The following HAPLN3 variants were observed in gnomAD, a reference collection of about 807,000 sequenced individuals.
The protein encoded by HAPLN3 is hyaluronan and proteoglycan link protein 3.
In HAPLN3, 28 loss-of-function variants were observed where a neutral mutation model predicts 28.1. That is an observed-to-expected ratio of 1.00 (90% CI 0.74 to 1.37). The LOEUF (loss-of-function observed/expected upper bound fraction) is 1.37. Among genes scored for constraint, HAPLN3 ranks in the 40% most tolerant of loss-of-function variants. The probability of loss-of-function intolerance (pLI) is 0.00; values close to 1 mark genes in which losing one functional copy is unlikely to be tolerated. For missense variants in HAPLN3, 513 were observed against 504.6 expected (o/e 1.02, Z -0.16); for synonymous variants, 211 against 213.1 (o/e 0.99, Z 0.09).
At chr15:88,890,775 C>T (rs563112285) in intron 1 of HAPLN3, among the ~76,000 whole-genome samples, 1 of 152,338 alleles carries the variant, frequency 6.6e-6, no homozygotes, top group African/African-American at 2.4e-5. Context: ...AGATGGAAAC[C>T]ACAGATTGAA....
intron 1 of HAPLN3, among the ~76,000 whole-genome samples, chr15:88,891,793 T>A (rs1462969720): frequency 1.3e-5 from 2 of 152,210 alleles, no homozygotes; most frequent in African/African-American, 4.8e-5. Context: ...GGTGATTGTG[T>A]GGCACACACA....
At position 88,879,248 on chromosome 15, in the gene HAPLN3, G is replaced by T. The variant is rs1414313870; in HGVS notation, c.515C>A (p.Ser172Tyr). 3 of 1,607,730 alleles carry T rather than the reference G, an allele frequency of 1.9e-6. No individual in the cohort carries two copies. Among genetic ancestry groups the T allele is most frequent in the Non-Finnish European group, 2.5e-6 (3 of 1,176,614 alleles). Residue 172 changes from serine to tyrosine, a missense_variant, in exon 4 of 5, where the codon TCC becomes TAC. Coordinates refer to ENST00000359595, the MANE Select transcript of HAPLN3 (RefSeq NM_178232.4). The surrounding 1 kb of genome is among the most constrained non-coding windows in gnomAD (Gnocchi z 5.0). ...GTTGAACTGGTAGCGCCCGTTGGGG[G>T]ACTGGTAAGGAAAGACCACACCTGC... ...ELRGVVFPYQSPNGRYQFNFH... is the reference protein window; with the variant it reads ...ELRGVVFPYQYPNGRYQFNFH...
chr15:88,889,003 T>G (rs1003168877), intron 1 of HAPLN3, among the ~76,000 whole-genome samples: 10 of 152,186 alleles, frequency 6.6e-5, no homozygotes, highest in Non-Finnish European at 7.4e-5. Context: ...CCTTCTGGCT[T>G]CCAGTGGGAT....
At chr15:88,894,354 G>A (rs1036168408) in intron 1 of HAPLN3, among the ~76,000 whole-genome samples, 1 of 151,952 alleles carries the variant, frequency 6.6e-6, no homozygotes. Context: ...AGAACAATAA[G>A]CCTGGGCTTG....
intron 1 of HAPLN3, among the ~76,000 whole-genome samples, chr15:88,894,685 G>C (rs1160919721): frequency 6.6e-6 from 1 of 152,198 alleles, no homozygotes; most frequent in Non-Finnish European, 1.5e-5. Flanking sequence ...GCGGGTCAGC[G>C]CTGGACACCA....
chr15:88,879,510 T>TAATGTCCCCAAC lies in HAPLN3; in HGVS notation c.494-253_494-242dup, dbSNP rs1474580256. 216 of 1,504,366 alleles carry TAATGTCCCCAAC rather than the reference T, an allele frequency of 1.4e-4. No homozygotes were observed. The highest frequency in any genetic ancestry group is 1.8e-4 in the Admixed American group (9 of 49,890). The allele number at this position is 1,504,366 out of a possible 1,614,324, so 93.2% of individuals were successfully genotyped here. ...GAGTTAAGGTAATTAATTAGTCCAT[T>TAATGTCCCCAAC]AATGTCCCCAACAATGTCCCCAACC... On this transcript the variant is annotated intron_variant, in intron 3 of 4. Transcript: ENST00000359595. The surrounding 1 kb of genome is among the most constrained non-coding windows in gnomAD (Gnocchi z 5.0).
rs1897916317 is a variant in HAPLN3 at position 88,888,126 on chromosome 15, G to C, written c.-47-781C>G. Reference sequence around the variant, plus strand: ...ACCCTTTTTTTTTTTTTTTGAGACAGAGTCTCGCTCTGTCGCCCAGGCTGG... The same window carrying C: ...ACCCTTTTTTTTTTTTTTTGAGACACAGTCTCGCTCTGTCGCCCAGGCTGG... On this transcript the variant is annotated intron_variant, in intron 1 of 4. Transcript: ENST00000359595. This position sits in a 1 kb window ranked among gnomAD's most constrained non-coding sequence, Gnocchi z 4.1. Among the ~76,000 whole-genome samples, 1 of 143,706 alleles carries C rather than the reference G, an allele frequency of 7.0e-6. No individual in the cohort carries two copies. The highest frequency in any genetic ancestry group is 2.0e-4 in the East Asian group (1 of 4,932). The allele number at this position is 143,706 out of a possible 152,430, so 94.3% of individuals were successfully genotyped here.
At position 88,877,937 on chromosome 15, in the gene HAPLN3, G is replaced by A. The variant is rs763348757; in HGVS notation, c.*33C>T. On this transcript the variant is annotated 3_prime_UTR_variant, in exon 5 of 5. Coordinates refer to ENST00000359595, the MANE Select transcript of HAPLN3 (RefSeq NM_178232.4). The surrounding 1 kb of genome is among the most constrained non-coding windows in gnomAD (Gnocchi z 5.1). ...GAACCACTCAATAAATACACAGCCA[G>A]TGAGGGAATGCGGCAGGGGAGGGCC... The A allele has an allele frequency of 4.4e-5, 68 of 1,554,526 alleles. No individual in the cohort carries two copies. The highest frequency in any genetic ancestry group is 5.7e-5 in the Non-Finnish European group (65 of 1,149,814).
chr15:88,879,057 G>A lies in HAPLN3; in HGVS notation c.706C>T (p.Pro236Ser), dbSNP rs1403838152. The A allele has an allele frequency of 5.6e-6, 9 of 1,606,080 alleles. No homozygotes were observed. Among genetic ancestry groups the A allele is most frequent in the Non-Finnish European group, 6.8e-6 (8 of 1,176,688 alleles). ...CTTCGCACGCCAGGTGCCAGGCCCGGGCCACCGCAGGGCTGCCGGGGCAAC... is the reference window on the plus strand; with the variant it reads ...CTTCGCACGCCAGGTGCCAGGCCCGAGCCACCGCAGGGCTGCCGGGGCAAC... ...IMLPRQPCGG[P>S]GLAPGVRSYG... Residue 236 changes from proline (P) to serine (S), a missense_variant, in exon 4 of 5, where the codon CCG (proline) becomes TCG (serine). Coordinates refer to ENST00000359595, the MANE Select transcript of HAPLN3 (RefSeq NM_178232.4). The surrounding 1 kb of genome is among the most constrained non-coding windows in gnomAD (Gnocchi z 5.0).
intron 1 of HAPLN3, among the ~76,000 whole-genome samples, chr15:88,892,300 T>C (rs1235520902): frequency 6.6e-6 from 1 of 151,710 alleles, no homozygotes; most frequent in East Asian, 1.9e-4. Context: ...CTACTAAAAA[T>C]ATAAAAAATA....
chr15:88,888,104 C>CA lies in HAPLN3; in HGVS notation c.-47-760_-47-759insT, dbSNP rs1287367243. Among the ~76,000 whole-genome samples, 79 of 140,034 alleles carry CA rather than the reference C, an allele frequency of 5.6e-4. No individual in the cohort carries two copies. The highest frequency in any genetic ancestry group is 1.8e-3 in the African/African-American group (69 of 37,596). The allele number at this position is 140,034 out of a possible 152,430, so 91.9% of individuals were successfully genotyped here. A position where few individuals can be genotyped will look rare whatever the true frequency, so the allele number is the denominator to read the frequency against. ...AAAGATGAGTCCTGCATTGTGAACCCTTTTTTTTTTTTTTTGAGACAGAGT... is the reference window on the plus strand; with the variant it reads ...AAAGATGAGTCCTGCATTGTGAACCCATTTTTTTTTTTTTTTGAGACAGAGT... On this transcript the variant is annotated intron_variant, in intron 1 of 4. Transcript: ENST00000359595. The surrounding 1 kb of genome is among the most constrained non-coding windows in gnomAD (Gnocchi z 4.1).
Position 88,880,454 on chromosome 15 carries a change from C to A in HAPLN3, c.493+903G>T. On this transcript the variant is annotated intron_variant, in intron 3 of 4. Transcript: ENST00000359595. The surrounding 1 kb of genome is among the most constrained non-coding windows in gnomAD (Gnocchi z 6.0). ...TAAAGGAGGAAAGATTGTGATACCC[C>A]ATTTTACACCTGAGAGGCCCAGGGC... 1 of 1,210,108 alleles carries A rather than the reference C, an allele frequency of 8.3e-7. No homozygotes were observed. Among genetic ancestry groups the A allele is most frequent in the Non-Finnish European group, 1.1e-6 (1 of 944,876 alleles). The allele number at this position is 1,210,108 out of a possible 1,614,324, so 75.0% of individuals were successfully genotyped here.
rs896982276 is a variant in HAPLN3, at chr15:88,880,033, C to T, written c.494-764G>A. Reference sequence around the variant, plus strand: ...CTCCGTGTGGCCAAGGACCCAGGAACAGCCTGAGCCCCAAACCTCCGATCT... The same window carrying T: ...CTCCGTGTGGCCAAGGACCCAGGAATAGCCTGAGCCCCAAACCTCCGATCT... On this transcript the variant is annotated intron_variant, in intron 3 of 4. Transcript: ENST00000359595. This position sits in a 1 kb window ranked among gnomAD's most constrained non-coding sequence, Gnocchi z 6.0. 7.0e-6 allele frequency: 7 copies of T among 993,458 alleles called. No homozygotes were observed. The highest frequency in any genetic ancestry group is 5.6e-5 in the Admixed American group (1 of 17,804). The allele number at this position is 993,458 out of a possible 1,614,324, so 61.5% of individuals were successfully genotyped here.
intron 2 of HAPLN3, among the ~76,000 whole-genome samples, chr15:88,883,999 A>G (rs1327536102): frequency 6.6e-6 from 1 of 151,772 alleles, no homozygotes; most frequent in Non-Finnish European, 1.5e-5. Context: ...GGATCTCTTG[A>G]GCCCAGGAGG....
intron 1 of HAPLN3, chr15:88,893,206 C>A: frequency 1.5e-6 from 1 of 665,964 alleles, no homozygotes; most frequent in South Asian, 1.7e-5. Context: ...CACCTGAGGT[C>A]AGGAGTTCGA....
chr15:88,878,926 G>A (rs777741877), intron 4 of HAPLN3, 41 bp downstream of exon 4: 2 of 1,546,616 alleles, frequency 1.3e-6, no homozygotes, highest in Non-Finnish European at 1.7e-6. Flanking sequence ...GTCCCAGGTG[G>A]CCACCAAACC....
intron 2 of HAPLN3, among the ~76,000 whole-genome samples, chr15:88,883,737 T>A (rs1485683174): frequency 4.6e-5 from 7 of 152,244 alleles, no homozygotes; most frequent in African/African-American, 1.7e-4. Context: ...AAAAATCACA[T>A]GTATGACATG....
rs1221202548 is a variant in HAPLN3 at position 88,888,681 on chromosome 15, A to T, written c.-47-1336T>A. Among the ~76,000 whole-genome samples, 2 of 152,034 alleles carry T rather than the reference A, an allele frequency of 1.3e-5. No individual in the cohort carries two copies. Among genetic ancestry groups the T allele is most frequent in the East Asian group, 3.9e-4 (2 of 5,190 alleles). The stretch of plus-strand genomic sequence containing the variant: ...AAAAGATGGGGTCACTCCTTGAAGG[A>T]GCTTGGTCCAGGGAGGGGGCAGAGT... On this transcript the variant is annotated intron_variant, in intron 1 of 4. Transcript: ENST00000359595. The surrounding 1 kb of genome is among the most constrained non-coding windows in gnomAD (Gnocchi z 4.1).
intron 1 of HAPLN3, among the ~76,000 whole-genome samples, chr15:88,894,395 G>A (rs1284979756): frequency 1.3e-5 from 2 of 152,124 alleles, no homozygotes; most frequent in Admixed American, 6.5e-5. Context: ...TCCCTGCCAG[G>A]TGCATGTCCG....
Sources: gnomAD v4.1 joint callset for allele counts (sites outside exome capture counted in the v4.1 genomes callset) on GRCh38, gnomAD v4.1.1 for gene constraint, Gnocchi (gnomAD v3.1) non-coding constraint, MANE v1.5 for transcripts, NCBI Gene and HGNC (gene_info 2026-07-23, HGNC 2026-07-21) for gene names.